Variants in PHLPP1 observed in about 807,000 individuals in gnomAD.
PHLPP1 encodes PH domain leucine-rich repeat-containing protein phosphatase 1.
In PHLPP1, 42 loss-of-function variants were observed where a neutral mutation model predicts 117.2. The ratio of observed to expected loss-of-function variants is 0.36; its 90% CI spans 0.28 to 0.46. The LOEUF is 0.46. Ranked by LOEUF, PHLPP1 falls within the 20% of genes least tolerant of loss-of-function variation. PHLPP1 has a pLI of 1.00. For synonymous variants in PHLPP1, 1,042 were observed against 970.7 expected, an observed-to-expected ratio of 1.07 and a Z score of -1.37; for missense variants, 2,084 against 2,241.9, an observed-to-expected ratio of 0.93 and a Z score of 1.42.
chr18:62,777,267 T>C (rs1912988288), intron 1 of PHLPP1, among the ~76,000 whole-genome samples: 1 of 152,206 alleles, frequency 6.6e-6, no homozygotes, highest in South Asian at 2.1e-4. Context: ...TATCTTATTG[T>C]AGCTTAAATT....
chr18:62,944,867 G>A (rs1910232125), intron 11 of PHLPP1, among the ~76,000 whole-genome samples: 1 of 152,090 alleles, frequency 6.6e-6, no homozygotes, highest in African/African-American at 2.4e-5. Context: ...TAGACTTTTA[G>A]GAGGAAAAGG....
intron 12 of PHLPP1, among the ~76,000 whole-genome samples, chr18:62,951,840 G>A (rs1313115920): frequency 2.1e-5 from 3 of 142,004 alleles, no homozygotes; most frequent in Non-Finnish European, 3.0e-5. Flanking sequence ...TTTTTGAGAC[G>A]GAGTCTTGCT....
intron 1 of PHLPP1, among the ~76,000 whole-genome samples, chr18:62,827,123 C>G (rs2045576772): frequency 6.6e-6 from 1 of 152,172 alleles, no homozygotes; most frequent in Admixed American, 6.5e-5. Flanking sequence ...GATCACCTTA[C>G]CTACTATGTG....
At chr18:62,841,601 G>A (rs1474418365) in intron 3 of PHLPP1, among the ~76,000 whole-genome samples, 1 of 151,830 alleles carries the variant, frequency 6.6e-6, no homozygotes, top group Non-Finnish European at 1.5e-5. Context: ...CAAAGTGCTG[G>A]GATTACAGGT....
intron 4 of PHLPP1, among the ~76,000 whole-genome samples, chr18:62,868,532 G>T (rs769332414): frequency 6.6e-6 from 1 of 150,428 alleles, no homozygotes; most frequent in African/African-American, 2.4e-5. Context: ...TAAGGCAAGA[G>T]AATCGCTTGA....
intron 1 of PHLPP1, among the ~76,000 whole-genome samples, chr18:62,772,784 T>C (rs919339515): frequency 2.1e-5 from 3 of 144,430 alleles, no homozygotes; most frequent in African/African-American, 8.3e-5. Context: ...TGAGCTGAGA[T>C]TGTGCCACTG....
chr18:62,929,156 A>G (rs146638243), intron 10 of PHLPP1, among the ~76,000 whole-genome samples: 167 of 152,260 alleles, frequency 1.1e-3, no homozygotes, highest in African/African-American at 3.8e-3. Context: ...ACGTCCCTAT[A>G]AAGCTGTTTT....
At chr18:62,962,817 G>GCATA (rs10668031) in intron 13 of PHLPP1, among the ~76,000 whole-genome samples, 61,987 of 151,694 alleles carry the variant, frequency 0.41, 12,841 homozygotes, top group East Asian at 0.62. Context: ...ATTAGTCTTA[G>GCATA]CATACTTGGC....
At position 62,920,676 on chromosome 18, in the gene PHLPP1, C is replaced by T. The variant is rs1037477680; in HGVS notation, c.2960+562C>T. ...CCAGGTTCAAGCGATTCTCCTGCCTCAGCCTCCCAAGTAGCTGGAACTACA... is the reference window on the plus strand; with the variant it reads ...CCAGGTTCAAGCGATTCTCCTGCCTTAGCCTCCCAAGTAGCTGGAACTACA... On this transcript the variant is annotated intron_variant, in intron 10 of 16. Coordinates refer to ENST00000262719, the MANE Select transcript of PHLPP1 (RefSeq NM_194449.4). Among the ~76,000 whole-genome samples, 14 of 152,260 alleles carry T rather than the reference C, an allele frequency of 9.2e-5. 1 individual carries two copies. In the Middle Eastern group the frequency reaches 0.01, roughly 111 times the overall value.
chr18:62,942,824 G>A (rs1344238984), intron 11 of PHLPP1, among the ~76,000 whole-genome samples: 1 of 152,100 alleles, frequency 6.6e-6, no homozygotes, highest in Non-Finnish European at 1.5e-5. Context: ...TGCCTTCAGG[G>A]CTACCAGTCT....
chr18:62,914,582 G>A (rs568661679), intron 8 of PHLPP1, among the ~76,000 whole-genome samples: 3 of 152,270 alleles, frequency 2.0e-5, no homozygotes, highest in South Asian at 2.1e-4. Flanking sequence ...GACTATAGGT[G>A]CATGCCACCA....
rs377602842 is a variant in PHLPP1, at chr18:62,717,223, G to A, written c.1540G>A (p.Asp514Asn). 1.4e-4 allele frequency: 229 copies of A among 1,603,862 alleles called. No homozygotes were observed. Among genetic ancestry groups the A allele is most frequent in the Non-Finnish European group, 1.8e-4 (207 of 1,173,484 alleles). Residue 514 changes from aspartate to asparagine, a missense_variant, in exon 1 of 17, where the codon GAC becomes AAC. Physicochemically the swap from Asp to Asn is conservative, Grantham distance 23. Transcript: ENST00000262719. ...ELWRVQEEGM[D>N]SEIGCLIRFY... ...GTGGAGGGTGCAGGAGGAAGGCATGGACTCGGAGATTGGCTGCCTCATCCG... is the reference window on the plus strand; with the variant it reads ...GTGGAGGGTGCAGGAGGAAGGCATGAACTCGGAGATTGGCTGCCTCATCCG...
At position 62,716,567 on chromosome 18, in the gene PHLPP1, C is replaced by G. The variant is rs1426641418; in HGVS notation, c.884C>G (p.Pro295Arg). 4 of 1,199,006 alleles carry G rather than the reference C, an allele frequency of 3.3e-6. No individual in the cohort carries two copies. The highest frequency in any genetic ancestry group is 4.1e-6 in the Non-Finnish European group (4 of 967,346). 74.3% of individuals were successfully genotyped at this position (1,199,006 alleles called of 1,614,324 possible). ...RSAPGAFGGPPRAPPADLPLP... is the reference protein window; with the variant it reads ...RSAPGAFGGPRRAPPADLPLP... ...GCGCCGGGTGCCTTCGGGGGGCCTC[C>G]GCGCGCGCCCCCCGCCGACCTACCC... The change falls in exon 1 of 17, where the codon CCG (proline) becomes CGG (arginine). Residue 295 changes from proline (P) to arginine (R), a missense_variant. By Grantham distance (103) the Pro-to-Arg change is moderately radical. Around this residue, in one of 2 missense-constraint regions of PHLPP1, gnomAD observed 719 missense variants for 636.0 expected, o/e 1.13. Transcript: ENST00000262719. This position sits in a 1 kb window ranked among gnomAD's most constrained non-coding sequence, Gnocchi z 5.7.
chr18:62,892,062 TTTCTTTTC>T (rs1916432207), intron 4 of PHLPP1, among the ~76,000 whole-genome samples: 2 of 147,386 alleles, frequency 1.4e-5, no homozygotes, highest in African/African-American at 2.5e-5. Context: ...TTTCATTTTC[TTTCTTTTC>T]TTTCTTTCTT....
intron 3 of PHLPP1, among the ~76,000 whole-genome samples, chr18:62,849,820 A>ATATATAT (rs1568137157): frequency 4.4e-5 from 2 of 45,436 alleles, no homozygotes; most frequent in African/African-American, 8.9e-5. Context: ...AAAAAAAAAA[A>ATATATAT]AAAAAAAAAA....
intron 3 of PHLPP1, among the ~76,000 whole-genome samples, chr18:62,848,455 A>AT (rs56223512): frequency 0.46 from 40,882 of 88,500 alleles, 10,361 homozygotes; most frequent in Non-Finnish European, 0.54. Context: ...TTTTTTGTTG[A>AT]TTTTTTTTTT....
chr18:62,716,826 C>T lies in PHLPP1; in HGVS notation c.1143C>T (p.Ala381=). Residue 381 remains alanine, a synonymous_variant, in exon 1 of 17, where the codon GCC becomes GCT. Transcript: ENST00000262719. The surrounding 1 kb of genome is among the most constrained non-coding windows in gnomAD (Gnocchi z 5.7). ...CGTCGTCGTCGGAAGAGCTCGAGGC[C>T]GACGCAGCCTCGGCCCCGACGGGGG... The part of the protein sequence containing the change: ...GSSSSSEELE[A]DAASAPTGVP... 1 of 1,526,024 alleles carries T rather than the reference C, an allele frequency of 6.6e-7. No homozygotes were observed. The highest frequency in any genetic ancestry group is 8.8e-7 in the Non-Finnish European group (1 of 1,142,398). 94.5% of individuals were successfully genotyped at this position (1,526,024 alleles called of 1,614,324 possible). A position where few individuals can be genotyped will look rare whatever the true frequency, so the allele number is the denominator to read the frequency against.
At chr18:62,749,523 C>G (rs1911779940) in intron 1 of PHLPP1, among the ~76,000 whole-genome samples, 1 of 152,206 alleles carries the variant, frequency 6.6e-6, no homozygotes, top group South Asian at 2.1e-4. Context: ...ATACCACAAA[C>G]TGGGTGGCTT....
chr18:62,947,464 A>G, intron 12 of PHLPP1, among the ~76,000 whole-genome samples: 1 of 152,226 alleles, frequency 6.6e-6, no homozygotes. Context: ...CACAGGAAAG[A>G]TGTTGTCAGC....
Sources: gnomAD v4.1 joint callset for allele counts (sites outside exome capture counted in the v4.1 genomes callset) on GRCh38, gnomAD v4.1.1 for gene constraint, gnomAD v4.1.1 regional missense constraint, Gnocchi (gnomAD v3.1) non-coding constraint, MANE v1.5 for transcripts, NCBI Gene and HGNC (gene_info 2026-07-23, HGNC 2026-07-21) for gene names.